Variants in RBFOX1 observed in about 807,000 individuals in gnomAD.
The protein encoded by RBFOX1 is RNA binding protein fox-1 homolog 1.
Under a neutral mutation model 57.7 loss-of-function variants are expected in RBFOX1, and 8 were observed. That is an observed-to-expected ratio of 0.14 (90% CI 0.08 to 0.25). RBFOX1 has a LOEUF of 0.25. RBFOX1 is among the 10% of genes least tolerant of loss of function. The pLI is 1.00. For synonymous variants in RBFOX1, 326 were observed against 222.4 expected, an observed-to-expected ratio of 1.47 and a Z score of -4.15; for missense variants, 611 against 548.5, an observed-to-expected ratio of 1.11 and a Z score of -1.14.
chr16:5,297,642 T>C (rs1450237288), intron 1 of RBFOX1, among the ~76,000 whole-genome samples: 1 of 152,236 alleles, frequency 6.6e-6, no homozygotes, highest in African/African-American at 2.4e-5. Context: ...ATATATATTC[T>C]AGCCTTATCA....
chr16:6,419,851 T>C (rs911530771), intron 2 of RBFOX1, among the ~76,000 whole-genome samples: 8 of 152,204 alleles, frequency 5.3e-5, no homozygotes, highest in Non-Finnish European at 1.0e-4. Context: ...CAAACTGAGT[T>C]AATTGAAGGT....
At chr16:6,993,625 C>G (rs944889906) in intron 3 of RBFOX1, among the ~76,000 whole-genome samples, 1 of 152,138 alleles carries the variant, frequency 6.6e-6, no homozygotes, top group African/African-American at 2.4e-5. Flanking sequence ...TAAAATTCCA[C>G]TCAGCCGGGC....
intron 3 of RBFOX1, among the ~76,000 whole-genome samples, chr16:5,667,961 T>C (rs542279684): frequency 6.6e-6 from 1 of 152,192 alleles, no homozygotes; most frequent in Non-Finnish European, 1.5e-5. Flanking sequence ...TGGCAGCAGT[T>C]GCCCTGGTTG....
chr16:6,386,480 C>T (rs1270048147), intron 2 of RBFOX1, among the ~76,000 whole-genome samples: 3 of 152,160 alleles, frequency 2.0e-5, no homozygotes, highest in Non-Finnish European at 4.4e-5. Context: ...AGCTAATTAA[C>T]CCCGATGCTG....
At chr16:7,204,271 C>G (rs1017663990) in intron 4 of RBFOX1, among the ~76,000 whole-genome samples, 6 of 152,224 alleles carry the variant, frequency 3.9e-5, no homozygotes, top group Admixed American at 1.3e-4. Flanking sequence ...CAGCATCACT[C>G]AAGGCCATTG....
intron 3 of RBFOX1, among the ~76,000 whole-genome samples, chr16:6,753,614 C>A (rs1195809561): frequency 3.3e-5 from 5 of 152,136 alleles, no homozygotes; most frequent in East Asian, 1.9e-4. Flanking sequence ...TAAGTAGAAC[C>A]AGCAACAGAG....
intron 4 of RBFOX1, among the ~76,000 whole-genome samples, chr16:7,179,201 A>G (rs1206002183): frequency 2.0e-5 from 3 of 150,660 alleles, no homozygotes; most frequent in South Asian, 4.2e-4. Flanking sequence ...TTTTATCTAT[A>G]TGGAAGGATG....
In RBFOX1 at chr16:6,946,928, G is replaced by C. The variant is rs529496518; in HGVS notation, c.-15-105129G>C. Among the ~76,000 whole-genome samples the C allele has an allele frequency of 3.3e-5, 5 of 152,238 alleles. No homozygotes were observed. In the South Asian group the frequency reaches 6.2e-4, roughly 19 times the overall value. ...CCAGCCCAGAAACCTTTCAAACGTTGTTATTTGGCTTTATGTTTGGGAGCC... is the reference window on the plus strand; with the variant it reads ...CCAGCCCAGAAACCTTTCAAACGTTCTTATTTGGCTTTATGTTTGGGAGCC... On this transcript the variant is annotated intron_variant, in intron 3 of 15. Transcript: ENST00000550418.
intron 4 of RBFOX1, among the ~76,000 whole-genome samples, chr16:5,906,328 G>C (rs1026971517): frequency 2.6e-5 from 4 of 152,192 alleles, no homozygotes; most frequent in African/African-American, 9.6e-5. Flanking sequence ...AAACACGCAC[G>C]TGGGGATAAT....
At chr16:6,635,474 C>G (rs566333977) in intron 2 of RBFOX1, among the ~76,000 whole-genome samples, 160 of 152,094 alleles carry the variant, frequency 1.1e-3, no homozygotes, top group South Asian at 1.7e-3. Flanking sequence ...GAAGTGATAA[C>G]AGGTTTGGTA....
chr16:6,181,705 C>A (rs920686874), intron 1 of RBFOX1, among the ~76,000 whole-genome samples: 1 of 152,046 alleles, frequency 6.6e-6, no homozygotes, highest in Admixed American at 6.6e-5. Flanking sequence ...AAACTTTACC[C>A]ACAGCACTAT....
At chr16:7,254,932 C>A (rs756740886) in intron 4 of RBFOX1, among the ~76,000 whole-genome samples, 1 of 152,094 alleles carries the variant, frequency 6.6e-6, no homozygotes, top group African/African-American at 2.4e-5. Context: ...TTTCAAATTT[C>A]AATTCACTCA....
At chr16:5,655,007 G>A (rs1159306240) in intron 3 of RBFOX1, among the ~76,000 whole-genome samples, 1 of 152,086 alleles carries the variant, frequency 6.6e-6, no homozygotes, top group Non-Finnish European at 1.5e-5. Flanking sequence ...TTGCACACTG[G>A]GTCCAGCCTA....
chr16:6,810,032 T>TC (rs2088046608), intron 3 of RBFOX1, among the ~76,000 whole-genome samples: 1 of 151,676 alleles, frequency 6.6e-6, no homozygotes, highest in African/African-American at 2.4e-5. Flanking sequence ...CTCACCTTTT[T>TC]TTTTTTTTTC....
intron 3 of RBFOX1, among the ~76,000 whole-genome samples, chr16:6,865,418 T>G (rs2059750398): frequency 6.6e-6 from 1 of 152,140 alleles, no homozygotes; most frequent in South Asian, 2.1e-4. Flanking sequence ...ATTTTACCAG[T>G]GTTTATCATT....
In RBFOX1 at chr16:5,985,909, C is replaced by G. The variant is rs368434510; in HGVS notation, c.351+118574C>G. 9.8e-4 allele frequency among the ~76,000 whole-genome samples: 149 copies of G among 152,282 alleles called. 4 individuals carry two copies. In the South Asian group the frequency reaches 0.03, roughly 31 times the overall value. ...TTGAGAAGAATGAGGCCAAGGCAAA[C>G]CGGTGCTACTTTTCATCTTTTCATA... On this transcript the variant is annotated intron_variant, in intron 4 of 19. Coordinates refer to the RBFOX1 transcript ENST00000641259.
At chr16:7,497,121 C>T (rs1056579807) in intron 4 of RBFOX1, among the ~76,000 whole-genome samples, 2 of 152,176 alleles carry the variant, frequency 1.3e-5, no homozygotes, top group Admixed American at 1.3e-4. Context: ...ATGTGAATCC[C>T]ATGCCTGGAA....
At chr16:7,629,109 C>T (rs975974470) in intron 10 of RBFOX1, among the ~76,000 whole-genome samples, 2 of 152,058 alleles carry the variant, frequency 1.3e-5, no homozygotes, top group Non-Finnish European at 2.9e-5. Context: ...GAAACCAGAT[C>T]GAAAAAGACC....
chr16:6,045,690 C>A (rs1250035723), intron 1 of RBFOX1, among the ~76,000 whole-genome samples: 1 of 152,086 alleles, frequency 6.6e-6, no homozygotes, highest in Non-Finnish European at 1.5e-5. Context: ...AAATATGAGT[C>A]AACAAGAGCC....
Sources: gnomAD v4.1 joint callset for allele counts (sites outside exome capture counted in the v4.1 genomes callset) on GRCh38, gnomAD v4.1.1 for gene constraint, MANE v1.5 for transcripts, NCBI Gene and HGNC (gene_info 2026-07-23, HGNC 2026-07-21) for gene names.